UNC79: variants seen among roughly 807,000 people sequenced by gnomAD.
The protein encoded by UNC79 is unc-79 subunit of NALCN channel complex.
Under a neutral mutation model 283.1 loss-of-function variants are expected in UNC79, and 37 were observed. The observed-to-expected ratio is 0.13, with a 90% confidence interval of 0.10 to 0.17. The LOEUF (loss-of-function observed/expected upper bound fraction) is 0.17, where lower values mean the gene tolerates loss of function less well. UNC79 is among the 10% of genes least tolerant of loss of function. The pLI, the probability that UNC79 is intolerant of heterozygous loss-of-function variation, is 1.00. For synonymous variants in UNC79, 1,107 were observed against 1,200.2 expected (o/e 0.92, Z 1.61); for missense variants, 2,272 against 3,211.1 (o/e 0.71, Z 7.07).
chr14:93,505,572 C>T (rs1160922796), intron 7 of UNC79, among the ~76,000 whole-genome samples: 1 of 152,052 alleles, frequency 6.6e-6, no homozygotes, highest in Non-Finnish European at 1.5e-5. Context: ...TTGTAATCAG[C>T]ATATAGTTCT....
intron 33 of UNC79, among the ~76,000 whole-genome samples, chr14:93,642,996 G>T (rs1021755010): frequency 1.3e-5 from 2 of 152,108 alleles, no homozygotes; most frequent in African/African-American, 2.4e-5. Context: ...ATGACACTCG[G>T]CAGGCCTGGT....
chr14:93,640,596 C>G (rs1482647603), intron 32 of UNC79, among the ~76,000 whole-genome samples: 1 of 152,182 alleles, frequency 6.6e-6, no homozygotes, highest in Non-Finnish European at 1.5e-5. Flanking sequence ...CCACTGCATT[C>G]CAACCAGGGT....
intron 9 of UNC79, 43 bp downstream of exon 9, chr14:93,528,689 T>G: frequency 6.4e-7 from 1 of 1,556,872 alleles, no homozygotes; most frequent in Non-Finnish European, 8.8e-7. Flanking sequence ...AGGACAACAA[T>G]AAGAAGATAA....
chr14:93,340,443 A>G (rs11622304), intron 1 of UNC79, among the ~76,000 whole-genome samples: 4 of 107,670 alleles, frequency 3.7e-5, no homozygotes, highest in Non-Finnish European at 7.6e-5. Context: ...CGCTGTCTCA[A>G]AAAAAAAAAA....
At chr14:93,556,099 G>A (rs781460539) in intron 14 of UNC79, among the ~76,000 whole-genome samples, 7 of 152,198 alleles carry the variant, frequency 4.6e-5, no homozygotes, top group East Asian at 1.9e-4. Flanking sequence ...CTGGGTCCCC[G>A]CAAAGAGGCA....
intron 7 of UNC79, among the ~76,000 whole-genome samples, chr14:93,502,862 C>T (rs2059362783): frequency 6.6e-6 from 1 of 152,186 alleles, no homozygotes; most frequent in African/African-American, 2.4e-5. Context: ...CCAAATATCA[C>T]ATCAGTACAT....
At chr14:93,655,672 GC>G (rs1227152867) in intron 38 of UNC79, among the ~76,000 whole-genome samples, 1 of 146,982 alleles carries the variant, frequency 6.8e-6, no homozygotes. Context: ...CAAAAAAACA[GC>G]CAGGAAGACA....
chr14:93,339,839 G>T (rs2053665975), intron 1 of UNC79, among the ~76,000 whole-genome samples: 2 of 152,184 alleles, frequency 1.3e-5, no homozygotes, highest in Admixed American at 1.3e-4. Flanking sequence ...TTTAATCTAT[G>T]ACATTTACAC....
At chr14:93,506,265 C>G (rs2140781205) in intron 7 of UNC79, among the ~76,000 whole-genome samples, 1 of 151,674 alleles carries the variant, frequency 6.6e-6, no homozygotes, top group South Asian at 2.1e-4. Flanking sequence ...TCTTGTCACC[C>G]AGGCTGGAGT....
chr14:93,448,284 G>A (rs975662183), intron 1 of UNC79, among the ~76,000 whole-genome samples: 12 of 150,860 alleles, frequency 8.0e-5, no homozygotes, highest in South Asian at 4.2e-4. Flanking sequence ...CATTTCTAAC[G>A]GCTGTAAGTT....
chr14:93,567,759 T>C (rs1054603749), intron 14 of UNC79, among the ~76,000 whole-genome samples: 4 of 152,214 alleles, frequency 2.6e-5, no homozygotes. Flanking sequence ...TCTCAGTTAG[T>C]TTAGAAAGTT....
At chr14:93,412,135 A>T (rs917871607) in intron 1 of UNC79, among the ~76,000 whole-genome samples, 1 of 152,218 alleles carries the variant, frequency 6.6e-6, no homozygotes, top group Non-Finnish European at 1.5e-5. Context: ...GAAAAATGCA[A>T]TTGACATACT....
intron 7 of UNC79, among the ~76,000 whole-genome samples, chr14:93,503,504 G>A (rs974914662): frequency 1.4e-4 from 21 of 151,958 alleles, no homozygotes; most frequent in African/African-American, 4.6e-4. Context: ...GTATTAATTT[G>A]TCCTCTCATT....
chr14:93,385,380 T>G (rs2054749252), intron 1 of UNC79, among the ~76,000 whole-genome samples: 1 of 128,306 alleles, frequency 7.8e-6, no homozygotes, highest in East Asian at 2.0e-4. Flanking sequence ...GTAGAGATCT[T>G]TCATTTCTTT....
At chr14:93,426,403 A>G (rs909617995), upstream of UNC79, among the ~76,000 whole-genome samples, 1 of 150,822 alleles carries the variant, frequency 6.6e-6, no homozygotes, top group African/African-American at 2.4e-5. Flanking sequence ...ATTTTCAGCC[A>G]TTATTTCCTT....
At chr14:93,601,539 A>G (rs1035761002) in intron 25 of UNC79, among the ~76,000 whole-genome samples, 31 of 152,092 alleles carry the variant, frequency 2.0e-4, no homozygotes, top group African/African-American at 7.0e-4. Flanking sequence ...TATTTTTGCA[A>G]TTGTGAATTG....
chr14:93,412,785 T>C (rs546415927), intron 1 of UNC79, among the ~76,000 whole-genome samples: 2 of 152,104 alleles, frequency 1.3e-5, no homozygotes, highest in African/African-American at 4.8e-5. Flanking sequence ...GAATAGTATA[T>C]CCAGTGAAAA....
chr14:93,414,965 A>T (rs895391714), intron 1 of UNC79, among the ~76,000 whole-genome samples: 35 of 152,202 alleles, frequency 2.3e-4, no homozygotes, highest in African/African-American at 6.0e-4. Flanking sequence ...GTCATCTGCA[A>T]ACAGGGACAA....
Position 93,333,601 on chromosome 14 carries a change from A to T in UNC79, c.-351+78A>T, listed in dbSNP as rs577643440. 125 of 394,362 alleles carry T rather than the reference A, an allele frequency of 3.2e-4. 1 individual carries two copies. Among genetic ancestry groups the T allele is most frequent in the African/African-American group, 2.2e-3 (106 of 48,626 alleles). The allele number at this position is 394,362 out of a possible 1,614,324, so 24.4% of individuals were successfully genotyped here. ...AGTAGGTTAAAAAATAATCTTTAAG[A>T]CACTGAAAAGTTTTCCTTAACAAGA... On this transcript the variant is annotated intron_variant, in intron 1 of 49. Transcript: ENST00000256339.
Sources: allele counts gnomAD v4.1 joint callset (sites outside exome capture counted in the v4.1 genomes callset), GRCh38; gene constraint gnomAD v4.1.1; transcripts MANE v1.5; gene names NCBI Gene and HGNC (gene_info 2026-07-23, HGNC 2026-07-21).